Variants in L3MBTL4 observed in about 807,000 individuals in gnomAD.
L3MBTL4 encodes the protein lethal(3)malignant brain tumor-like protein 4.
L3MBTL4 carries 70 observed loss-of-function variants against 84.5 expected under a neutral mutation model. The observed-to-expected ratio is 0.83, with a 90% CI of 0.68 to 1.01. The LOEUF is 1.01. Ranked by LOEUF, L3MBTL4 falls within the 50% of genes least tolerant of loss-of-function variation. L3MBTL4 has a pLI of 0.00. For missense variants in L3MBTL4, 715 were observed against 754.8 expected (o/e 0.95, Z 0.62); for synonymous variants, 274 against 259.8 (o/e 1.05, Z -0.52).
chr18:6,092,829 A>G (rs1568106504), intron 15 of L3MBTL4, among the ~76,000 whole-genome samples: 1 of 152,256 alleles, frequency 6.6e-6, no homozygotes, highest in African/African-American at 2.4e-5. Context: ...ATTTAGAATC[A>G]CGAGTTTACA....
At chr18:6,136,456 C>A (rs943092625) in intron 14 of L3MBTL4, among the ~76,000 whole-genome samples, 8 of 152,180 alleles carry the variant, frequency 5.3e-5, no homozygotes, top group African/African-American at 1.4e-4. Flanking sequence ...ACCCCTCACC[C>A]CCTGCTTTTC....
chr18:6,154,462 A>G (rs2043019084), intron 13 of L3MBTL4, among the ~76,000 whole-genome samples: 1 of 152,182 alleles, frequency 6.6e-6, no homozygotes, highest in African/African-American at 2.4e-5. Flanking sequence ...TGATCCTACT[A>G]CAGTACTCAA....
At chr18:6,063,411 T>A (rs915682144) in intron 16 of L3MBTL4, among the ~76,000 whole-genome samples, 1 of 151,530 alleles carries the variant, frequency 6.6e-6, no homozygotes, top group Non-Finnish European at 1.5e-5. Flanking sequence ...CAAATGGTAG[T>A]TCTACTTTTA....
chr18:6,090,823 T>C (rs2058429936), intron 15 of L3MBTL4, among the ~76,000 whole-genome samples: 1 of 146,156 alleles, frequency 6.8e-6, no homozygotes, highest in South Asian at 2.1e-4. Context: ...TTTGTAGAGA[T>C]GGGGTTTCAT....
At position 6,206,559 on chromosome 18, in the gene L3MBTL4, C is replaced by T. The variant is rs926958792; in HGVS notation, c.981+6590G>A. On this transcript the variant is annotated intron_variant, in intron 12 of 18. Coordinates refer to ENST00000317931, the MANE Select transcript of L3MBTL4 (RefSeq NM_001330559.2). ...ATTCATCACCAAGGCCACATGTTTC[C>T]GTAGTGCTGCTCGGCCCGTGTTTCC... Among the ~76,000 whole-genome samples the T allele has an allele frequency of 5.3e-5, 8 of 152,042 alleles. 1 individual carries two copies. The highest frequency in any genetic ancestry group is 1.7e-4 in the African/African-American group (7 of 41,402).
chr18:6,271,290 A>T (rs1568416039), intron 4 of L3MBTL4, among the ~76,000 whole-genome samples: 2 of 152,224 alleles, frequency 1.3e-5, no homozygotes, highest in Non-Finnish European at 2.9e-5. Flanking sequence ...CGCGTTAACT[A>T]GTTTTATTTA....
chr18:6,033,244 G>C (rs1462889946), intron 16 of L3MBTL4, among the ~76,000 whole-genome samples: 1 of 152,078 alleles, frequency 6.6e-6, no homozygotes, highest in African/African-American at 2.4e-5. Flanking sequence ...TTTGCCTATT[G>C]TAACATTTTA....
chr18:6,276,666 A>AT (rs2049092573), intron 4 of L3MBTL4, among the ~76,000 whole-genome samples: 1 of 152,078 alleles, frequency 6.6e-6, no homozygotes, highest in Non-Finnish European at 1.5e-5. Flanking sequence ...AAAAAAAAAA[A>AT]AAAACCCTAC....
At chr18:6,390,799 G>A (rs56970913) in intron 1 of L3MBTL4, among the ~76,000 whole-genome samples, 1,564 of 152,108 alleles carry the variant, frequency 0.01, 25 homozygotes, top group African/African-American at 0.035. Context: ...ACCATGAACA[G>A]ACCAATAACA....
intron 16 of L3MBTL4, among the ~76,000 whole-genome samples, chr18:6,063,289 C>T (rs2057293737): frequency 7.1e-6 from 1 of 140,312 alleles, no homozygotes; most frequent in African/African-American, 2.9e-5. Context: ...ACTTGCGCTA[C>T]TATAAATATC....
intron 16 of L3MBTL4, among the ~76,000 whole-genome samples, chr18:5,993,302 CT>C (rs2053790359): frequency 6.6e-6 from 1 of 152,188 alleles, no homozygotes; most frequent in African/African-American, 2.4e-5. Flanking sequence ...AATGGAATGA[CT>C]TTTCCAGATA....
intron 4 of L3MBTL4, among the ~76,000 whole-genome samples, chr18:6,267,478 A>T (rs575310555): frequency 3.9e-5 from 6 of 152,216 alleles, no homozygotes; most frequent in African/African-American, 1.4e-4. Context: ...AATCTGACAA[A>T]CCCTGAAGAT....
At chr18:6,313,327 C>T (rs931407804) in intron 1 of L3MBTL4, among the ~76,000 whole-genome samples, 1 of 152,166 alleles carries the variant, frequency 6.6e-6, no homozygotes, top group African/African-American at 2.4e-5. Context: ...ATACATTATC[C>T]TTTAGAATGC....
chr18:6,089,762 C>A (rs2058378788), intron 15 of L3MBTL4, among the ~76,000 whole-genome samples: 1 of 152,124 alleles, frequency 6.6e-6, no homozygotes, highest in African/African-American at 2.4e-5. Context: ...CGCTTTGCAG[C>A]CCCAAGTAAG....
intron 4 of L3MBTL4, among the ~76,000 whole-genome samples, chr18:6,279,906 C>T (rs1412374325): frequency 2.0e-5 from 3 of 152,178 alleles, no homozygotes; most frequent in Admixed American, 6.5e-5. Context: ...ATTACTGCTA[C>T]TTTCATTAAT....
chr18:6,389,431 A>G (rs1469201312), intron 1 of L3MBTL4, among the ~76,000 whole-genome samples: 2 of 152,220 alleles, frequency 1.3e-5, no homozygotes, highest in African/African-American at 4.8e-5. Context: ...TGATGACTGG[A>G]ACAATACATC....
At chr18:5,985,259 A>C (rs2053416870) in intron 16 of L3MBTL4, among the ~76,000 whole-genome samples, 1 of 152,230 alleles carries the variant, frequency 6.6e-6, no homozygotes, top group South Asian at 2.1e-4. Context: ...GGAAACCGGA[A>C]GGCAGATTTT....
intron 1 of L3MBTL4, among the ~76,000 whole-genome samples, chr18:6,362,108 A>G (rs1278339019): frequency 7.0e-6 from 1 of 143,672 alleles, no homozygotes; most frequent in Non-Finnish European, 1.5e-5. Context: ...GACACTATCA[A>G]AAAAAGAAGA....
intron 13 of L3MBTL4, among the ~76,000 whole-genome samples, chr18:6,153,236 G>C (rs1241866140): frequency 6.6e-6 from 1 of 152,120 alleles, no homozygotes; most frequent in African/African-American, 2.4e-5. Context: ...CCATGAGACA[G>C]TTATTTCTAT....
Sources: gnomAD v4.1 joint callset for allele counts (sites outside exome capture counted in the v4.1 genomes callset) on GRCh38, gnomAD v4.1.1 for gene constraint, MANE v1.5 for transcripts, NCBI Gene and HGNC (gene_info 2026-07-23, HGNC 2026-07-21) for gene names.